The following FHOD3 variants were observed in gnomAD, a reference collection of about 807,000 sequenced individuals.
FHOD3 encodes formin homology 2 domain containing 3, also known as FH1/FH2 domain-containing protein 3.
A neutral mutation model predicts 173.0 loss-of-function variants in FHOD3; 90 were observed. That is an observed-to-expected ratio of 0.52 (90% CI 0.44 to 0.62). FHOD3 has a LOEUF of 0.62. FHOD3 is among the 20% of genes least tolerant of loss of function. The pLI, the probability that FHOD3 is intolerant of heterozygous loss-of-function variation, is 0.00. For synonymous variants in FHOD3, 828 were observed against 823.0 expected (o/e 1.01, Z -0.10); for missense variants, 1,945 against 2,034.7 (o/e 0.96, Z 0.85).
chr18:36,625,679 GC>G lies in FHOD3; in HGVS notation c.1131del (p.Thr378ProfsTer129). 1 of 1,611,778 alleles carries G rather than the reference GC, an allele frequency of 6.2e-7. No homozygotes were observed. The highest frequency in any genetic ancestry group is 1.1e-5 in the South Asian group (1 of 90,742). ...GCAGAGCATCAAGAGCACCCTGTCGGCCCCCACCAGTCCCTGCTCCCAGTCA... is the reference window on the plus strand; with the variant it reads ...GCAGAGCATCAAGAGCACCCTGTCGGCCCCACCAGTCCCTGCTCCCAGTCA... ...SVQSIKSTLS[A>X]PTSPCSQSAP... On this transcript the variant is annotated frameshift_variant, in exon 10 of 29. Coordinates refer to ENST00000590592, the MANE Select transcript of FHOD3 (RefSeq NM_001281740.3). LOFTEE classifies it high-confidence loss of function.
chr18:36,432,091 CAG>C (rs939052570), intron 3 of FHOD3, among the ~76,000 whole-genome samples: 9 of 152,196 alleles, frequency 5.9e-5, no homozygotes, highest in Admixed American at 2.0e-4. Context: ...CGCTGCCTCT[CAG>C]GGAACGGAGA....
Position 36,334,529 on chromosome 18 carries a change from T to C in FHOD3, c.166-21010T>C, listed in dbSNP as rs889616653. Among the ~76,000 whole-genome samples the C allele has an allele frequency of 2.0e-5, 3 of 152,362 alleles. No homozygotes were observed. In the East Asian group the frequency reaches 5.8e-4, roughly 29 times the overall value. The stretch of plus-strand genomic sequence containing the variant: ...CAAACAGGGGGTTTTAAGCATTTGC[T>C]GCTTCTGTAAGGGTATTGTCTCTTT... On this transcript the variant is annotated intron_variant, in intron 1 of 28. Transcript: ENST00000590592.
intron 2 of FHOD3, among the ~76,000 whole-genome samples, chr18:36,367,030 A>T (rs1308897515): frequency 1.3e-5 from 2 of 152,216 alleles, no homozygotes; most frequent in East Asian, 3.8e-4. Context: ...TTATAGTCAC[A>T]AAGGGCTTTA....
chr18:36,409,105 A>C (rs758754441), intron 3 of FHOD3, among the ~76,000 whole-genome samples: 11 of 152,000 alleles, frequency 7.2e-5, no homozygotes, highest in South Asian at 2.1e-4. Flanking sequence ...CGGCCCGGCA[A>C]ATTCCTTCCC....
intron 3 of FHOD3, among the ~76,000 whole-genome samples, chr18:36,391,149 C>T (rs2048283969): frequency 6.6e-6 from 1 of 152,192 alleles, no homozygotes; most frequent in South Asian, 2.1e-4. Flanking sequence ...CTAATGCTGC[C>T]AACACTGTGT....
intron 3 of FHOD3, among the ~76,000 whole-genome samples, chr18:36,386,678 G>C (rs1310254054): frequency 3.3e-5 from 5 of 152,222 alleles, no homozygotes; most frequent in African/African-American, 1.2e-4. Flanking sequence ...GGGCAGCACT[G>C]CTGTGGTGGA....
At chr18:36,419,727 C>G (rs1293580033) in intron 3 of FHOD3, among the ~76,000 whole-genome samples, 2 of 152,222 alleles carry the variant, frequency 1.3e-5, no homozygotes, top group Admixed American at 1.3e-4. Context: ...TCTGACAGAC[C>G]TCAGAGACTG....
At chr18:36,739,742 T>A (rs1042822576) in intron 20 of FHOD3, among the ~76,000 whole-genome samples, 7 of 152,254 alleles carry the variant, frequency 4.6e-5, no homozygotes, top group African/African-American at 7.2e-5. Flanking sequence ...TTTAAAAAAA[T>A]TTTAGTTTAT....
rs369814173 is a variant in FHOD3 at position 36,602,786 on chromosome 18, T to C, written c.813+18T>C. On this transcript the variant is annotated intron_variant, in intron 8 of 28. Coordinates refer to ENST00000590592, the MANE Select transcript of FHOD3 (RefSeq NM_001281740.3). The stretch of plus-strand genomic sequence containing the variant: ...TGAACAAGGTTGGTTGACTATGTTA[T>C]GGGTTGAATTGCGTCACCTAAAAAG... The C allele has an allele frequency of 3.8e-6, 6 of 1,573,874 alleles. No homozygotes were observed. The highest frequency in any genetic ancestry group is 3.3e-5 in the South Asian group (3 of 90,276).
chr18:36,349,800 A>G (rs1435231664), intron 1 of FHOD3, among the ~76,000 whole-genome samples: 2 of 152,008 alleles, frequency 1.3e-5, no homozygotes, highest in African/African-American at 4.8e-5. Context: ...TTTAGATGAC[A>G]GTCTCACTCT....
chr18:36,463,787 C>G (rs892849961), intron 3 of FHOD3, among the ~76,000 whole-genome samples: 3 of 152,254 alleles, frequency 2.0e-5, no homozygotes, highest in African/African-American at 4.8e-5. Context: ...AGCCACCATA[C>G]CTGGCCCAAG....
intron 18 of FHOD3, among the ~76,000 whole-genome samples, chr18:36,713,750 A>T (rs960888049): frequency 1.3e-5 from 2 of 152,198 alleles, no homozygotes; most frequent in Admixed American, 6.5e-5. Flanking sequence ...AAATTATCAC[A>T]TGTACCCCAA....
intron 10 of FHOD3, among the ~76,000 whole-genome samples, chr18:36,630,546 A>C (rs925569008): frequency 4.6e-5 from 7 of 152,230 alleles, no homozygotes; most frequent in African/African-American, 1.7e-4. Context: ...ACTCCAAAAA[A>C]TTGACATAAT....
In FHOD3 at chr18:36,760,594, C is replaced by G; in HGVS notation, c.4450-14C>G. 1 of 1,552,462 alleles carries G rather than the reference C, an allele frequency of 6.4e-7. No individual in the cohort carries two copies. The highest frequency in any genetic ancestry group is 1.4e-5 in the African/African-American group (1 of 72,522). On this transcript the variant is annotated splice_polypyrimidine_tract_variant and intron_variant, in intron 26 of 28. Coordinates refer to ENST00000590592, the MANE Select transcript of FHOD3 (RefSeq NM_001281740.3). Reference sequence around the variant, plus strand: ...GAGTCTCCCTCACCTGCTAACTTCCCCTTGGTTTTGCAGTCTGGCAAGTTC... The same window carrying G: ...GAGTCTCCCTCACCTGCTAACTTCCGCTTGGTTTTGCAGTCTGGCAAGTTC...
intron 20 of FHOD3, among the ~76,000 whole-genome samples, chr18:36,731,311 G>T (rs1027516705): frequency 4.6e-5 from 7 of 152,216 alleles, no homozygotes; most frequent in Admixed American, 4.6e-4. Context: ...GAGACACTGG[G>T]TGGCATGGCT....
At chr18:36,502,240 GTTT>G (rs5824024) in intron 4 of FHOD3, among the ~76,000 whole-genome samples, 1 of 146,190 alleles carries the variant, frequency 6.8e-6, no homozygotes. Flanking sequence ...TTTACTTCTA[GTTT>G]TTTTTTTTTT....
intron 4 of FHOD3, among the ~76,000 whole-genome samples, chr18:36,511,522 C>A (rs1239954991): frequency 6.6e-6 from 1 of 152,046 alleles, no homozygotes; most frequent in Non-Finnish European, 1.5e-5. Context: ...TGGATTAAAT[C>A]CATCTGGGTA....
chr18:36,499,984 C>T (rs1013619658), intron 3 of FHOD3, among the ~76,000 whole-genome samples: 8 of 152,198 alleles, frequency 5.3e-5, no homozygotes, highest in Non-Finnish European at 7.3e-5. Context: ...CCTACAGTAT[C>T]TTGCCCCTGC....
intron 15 of FHOD3, among the ~76,000 whole-genome samples, chr18:36,682,913 T>C (rs1483605963): frequency 1.3e-5 from 2 of 152,212 alleles, no homozygotes; most frequent in East Asian, 1.9e-4. Flanking sequence ...AAGAAGTATA[T>C]GTGTAATTGT....
Sources: allele counts gnomAD v4.1 joint callset (sites outside exome capture counted in the v4.1 genomes callset), GRCh38; gene constraint gnomAD v4.1.1; transcripts MANE v1.5; gene names NCBI Gene and HGNC (gene_info 2026-07-23, HGNC 2026-07-21).